The following CACNA1H variants were observed in gnomAD, a reference collection of about 807,000 sequenced individuals.
The protein encoded by CACNA1H is calcium voltage-gated channel subunit alpha1 H.
In CACNA1H, 149 loss-of-function variants were observed where a neutral mutation model predicts 192.5. That is an observed-to-expected ratio of 0.77 (90% CI 0.68 to 0.89). CACNA1H has a LOEUF of 0.89. CACNA1H is among the 40% of genes least tolerant of loss of function. The probability of loss-of-function intolerance (pLI) is 0.00; values close to 1 mark genes in which losing one functional copy is unlikely to be tolerated. For missense variants in CACNA1H, 4,257 were observed against 3,423.5 expected (o/e 1.24, Z -6.08); for synonymous variants, 2,202 against 1,475.2 (o/e 1.49, Z -11.29).
intron 2 of CACNA1H, among the ~76,000 whole-genome samples, chr16:1,190,269 T>C (rs1371812269): frequency 1.3e-5 from 2 of 152,232 alleles, no homozygotes; most frequent in East Asian, 1.9e-4. Flanking sequence ...TTCTAATTTA[T>C]AGAAGTTGAT....
At chr16:1,195,703 G>A in intron 4 of CACNA1H, 138 bp downstream of exon 4, 2 of 1,104,350 alleles carry the variant, frequency 1.8e-6, no homozygotes, top group Non-Finnish European at 2.6e-6. Context: ...ACCCTGTCTG[G>A]GACTCCGGAG....
intron 2 of CACNA1H, among the ~76,000 whole-genome samples, chr16:1,154,834 G>A (rs1247083478): frequency 6.6e-6 from 1 of 152,334 alleles, no homozygotes; most frequent in Non-Finnish European, 1.5e-5. Context: ...GTACACGGAG[G>A]TCCAGGGGGC....
chr16:1,221,095 C>A lies in CACNA1H; in HGVS notation c.*101C>A. 1.1e-6 allele frequency: 1 copy of A among 917,862 alleles called. No homozygotes were observed. Among genetic ancestry groups the A allele is most frequent in the Non-Finnish European group, 1.6e-6 (1 of 622,204 alleles). The allele number at this position is 917,862 out of a possible 1,614,324, so 56.9% of individuals were successfully genotyped here. On this transcript the variant is annotated 3_prime_UTR_variant, in exon 35 of 35. Coordinates refer to ENST00000348261, the MANE Select transcript of CACNA1H (RefSeq NM_021098.3). ...CCTGCATGGACCCTGACTTGGGTCC[C>A]GTCGTGAGCAGAAAGGCCCGGGGAG...
intron 9 of CACNA1H, among the ~76,000 whole-genome samples, chr16:1,203,536 G>C (rs543331563): frequency 2.0e-5 from 3 of 152,240 alleles, no homozygotes; most frequent in Non-Finnish European, 4.4e-5. Flanking sequence ...TGGTTTTTCT[G>C]ATGTTTGTGG....
chr16:1,217,096 C>A, intron 31 of CACNA1H, 86 bp downstream of exon 31: 1 of 1,196,584 alleles, frequency 8.4e-7, no homozygotes, highest in Non-Finnish European at 1.2e-6. Flanking sequence ...CAGGCACATG[C>A]TTGCAAATAG....
At chr16:1,219,266 G>A (rs1970289655) in intron 34 of CACNA1H, 136 bp downstream of exon 34, 2 of 831,146 alleles carry the variant, frequency 2.4e-6, no homozygotes, top group Admixed American at 3.0e-5. Context: ...GGCTCCGAAG[G>A]TTTCTGCCTG....
At chr16:1,213,144 C>T (rs973364582) in intron 26 of CACNA1H, among the ~76,000 whole-genome samples, 19 of 152,180 alleles carry the variant, frequency 1.2e-4, no homozygotes, top group African/African-American at 3.6e-4. Context: ...GTCTGGAGTC[C>T]GGCAGACCCT....
intron 30 of CACNA1H, among the ~76,000 whole-genome samples, 189 bp downstream of exon 30, chr16:1,215,782 C>T (rs1969976252): frequency 2.0e-5 from 3 of 152,186 alleles, no homozygotes; most frequent in Non-Finnish European, 2.9e-5. Context: ...AGCCGCTGCC[C>T]TCTGGCCTCA....
At chr16:1,191,910 C>T (rs1295311899) in intron 2 of CACNA1H, among the ~76,000 whole-genome samples, 1 of 152,214 alleles carries the variant, frequency 6.6e-6, no homozygotes. Context: ...ACCTCAGGCA[C>T]ACTCGGGGTC....
intron 16 of CACNA1H, 95 bp downstream of exon 16, chr16:1,208,316 C>A: frequency 1.2e-6 from 1 of 835,834 alleles, no homozygotes; most frequent in Middle Eastern, 3.4e-4. Flanking sequence ...AGGGCCGCAC[C>A]CCCCACACCC....
intron 30 of CACNA1H, among the ~76,000 whole-genome samples, chr16:1,215,941 G>A (rs1157559405): frequency 5.3e-5 from 8 of 152,168 alleles, no homozygotes; most frequent in African/African-American, 1.4e-4. Context: ...GGATGCAGGC[G>A]TCGGCTGCGG....
chr16:1,182,046 C>T (rs1316093845), intron 2 of CACNA1H, among the ~76,000 whole-genome samples: 1 of 152,242 alleles, frequency 6.6e-6, no homozygotes, highest in African/African-American at 2.4e-5. Context: ...TGTCTCCCCA[C>T]ACAGATGGAC....
At chr16:1,169,926 G>C (rs1338420189) in intron 2 of CACNA1H, among the ~76,000 whole-genome samples, 1 of 152,246 alleles carries the variant, frequency 6.6e-6, no homozygotes, top group Non-Finnish European at 1.5e-5. Flanking sequence ...GGGCGGCTGG[G>C]GTGTTTTTCT....
At position 1,215,249 on chromosome 16, in the gene CACNA1H, C is replaced by T; in HGVS notation, c.5047C>T (p.Gln1683Ter). ...FRRFFKDRWNQLDLAIVLLSL... is the reference protein window; with the variant it reads ...FRRFFKDRWN ...GAGCCTCCGGCCACACAGGTGGAACCAGCTGGACCTGGCCATCGTGCTGCT... is the reference window on the plus strand; with the variant it reads ...GAGCCTCCGGCCACACAGGTGGAACTAGCTGGACCTGGCCATCGTGCTGCT... Residue 1683 changes from glutamine to a stop codon, truncating the protein, a stop_gained, in exon 29 of 35, where the codon CAG (glutamine) becomes TAG (stop). Transcript: ENST00000348261. LOFTEE classifies it high-confidence loss of function. The T allele has an allele frequency of 6.2e-7, 1 of 1,603,526 alleles. No individual in the cohort carries two copies. Among genetic ancestry groups the T allele is most frequent in the Non-Finnish European group, 8.5e-7 (1 of 1,175,008 alleles).
intron 2 of CACNA1H, among the ~76,000 whole-genome samples, chr16:1,166,657 C>T (rs1963812062): frequency 6.6e-6 from 1 of 152,090 alleles, no homozygotes; most frequent in African/African-American, 2.4e-5. Context: ...CCGAGGTTGG[C>T]CTGTTCTGGA....
At chr16:1,175,869 C>T (rs1415282642) in intron 2 of CACNA1H, among the ~76,000 whole-genome samples, 5 of 152,246 alleles carry the variant, frequency 3.3e-5, no homozygotes, top group South Asian at 2.1e-4. Context: ...CTGCCCGTCT[C>T]GGGCAGACCT....
chr16:1,203,346 G>A (rs908930597), intron 9 of CACNA1H, among the ~76,000 whole-genome samples: 1 of 152,204 alleles, frequency 6.6e-6, no homozygotes, highest in Non-Finnish European at 1.5e-5. Context: ...ACAGAATCCC[G>A]TAGCTAACTT....
In CACNA1H at chr16:1,216,985, G is replaced by T; in HGVS notation, c.5298G>T (p.Leu1766=). The change falls in exon 31 of 35, where the codon CTG becomes CTT. Residue 1766 remains leucine (L), a synonymous_variant. Transcript: ENST00000348261. ...FMLLFFIYAA[L]GVELFGRLEC... The stretch of plus-strand genomic sequence containing the variant: ...TCCTGTTTTTTATCTATGCTGCGCT[G>T]GGAGTGGAGCTGTTCGGGAGGCTGG... 6.2e-7 allele frequency: 1 copy of T among 1,600,568 alleles called. No individual in the cohort carries two copies. The highest frequency in any genetic ancestry group is 2.3e-5 in the East Asian group (1 of 44,364).
intron 33 of CACNA1H, 148 bp from the exon 34 acceptor site, chr16:1,218,822 T>C (rs1026721334): frequency 1.3e-5 from 12 of 895,066 alleles, no homozygotes; most frequent in Admixed American, 2.9e-5. Context: ...TTGAGGAGGC[T>C]GGGTGTGGGC....
Sources: gnomAD v4.1 joint callset for allele counts (sites outside exome capture counted in the v4.1 genomes callset) on GRCh38, gnomAD v4.1.1 for gene constraint, MANE v1.5 for transcripts, NCBI Gene and HGNC (gene_info 2026-07-23, HGNC 2026-07-21) for gene names.